Variants in TARS1 observed in about 807,000 individuals in gnomAD.
TARS1 encodes threonyl-tRNA synthetase 1, also known as threonine--tRNA ligase 1, cytoplasmic.
Under a neutral mutation model 97.7 loss-of-function variants are expected in TARS1, and 57 were observed. The ratio of observed to expected loss-of-function variants is 0.58; its 90% CI spans 0.47 to 0.73. The LOEUF (loss-of-function observed/expected upper bound fraction) is 0.73, where lower values mean the gene tolerates loss of function less well. Among genes scored for constraint, TARS1 ranks in the 30% least tolerant of loss-of-function variants. TARS1 has a pLI of 0.00. For synonymous variants in TARS1, 312 were observed against 293.7 expected, an observed-to-expected ratio of 1.06 and a Z score of -0.64; for missense variants, 806 against 888.3, an observed-to-expected ratio of 0.91 and a Z score of 1.18.
intron 11 of TARS1, among the ~76,000 whole-genome samples, chr5:33,460,611 G>T (rs1324919814): frequency 6.6e-6 from 1 of 152,186 alleles, no homozygotes; most frequent in Non-Finnish European, 1.5e-5. Context: ...TTGTGAAGAA[G>T]CTGTATTATA....
Position 33,467,786 on chromosome 5 carries a change from G to A in TARS1, c.*78G>A, listed in dbSNP as rs1742612789. On this transcript the variant is annotated 3_prime_UTR_variant, in exon 19 of 19. Coordinates refer to ENST00000265112, the MANE Select transcript of TARS1 (RefSeq NM_152295.5). ...AAAATTGACTTTGTACTCTGAAAAC[G>A]TCAATTTATATTGAACTTGGAGGAG... is the stretch of plus-strand genomic sequence containing the variant. 7 of 1,477,230 alleles carry A rather than the reference G, an allele frequency of 4.7e-6. No individual in the cohort carries two copies. Among genetic ancestry groups the A allele is most frequent in the East Asian group, 2.4e-5 (1 of 41,400 alleles). 91.5% of individuals were successfully genotyped at this position (1,477,230 alleles called of 1,614,324 possible). A position where few individuals can be genotyped will look rare whatever the true frequency, so the allele number is the denominator to read the frequency against.
chr5:33,460,332 G>C (rs780049081), intron 11 of TARS1, among the ~76,000 whole-genome samples: 3 of 152,202 alleles, frequency 2.0e-5, no homozygotes, highest in Non-Finnish European at 4.4e-5. Flanking sequence ...GACCAAGGCA[G>C]ACTATAAAAC....
intron 6 of TARS1, 79 bp downstream of exon 6, chr5:33,455,783 C>T (rs541125231): frequency 1.9e-5 from 21 of 1,092,994 alleles, no homozygotes; most frequent in South Asian, 8.8e-5. Flanking sequence ...ACTGGCGTTC[C>T]GTGTACTAAG....
At chr5:33,455,554 G>T in intron 5 of TARS1, 33 bp from the exon 6 acceptor site, 1 of 1,400,712 alleles carries the variant, frequency 7.1e-7, no homozygotes, top group South Asian at 1.3e-5. Context: ...TGATTCGAAT[G>T]GAATGAAAAG....
At chr5:33,466,073 A>G (rs570792568) in intron 17 of TARS1, 1 of 152,204 alleles carries the variant, frequency 6.6e-6, no homozygotes, top group Non-Finnish European at 1.5e-5. Context: ...TTCTGCGTCT[A>G]CAAAAAGAGG....
chr5:33,441,037 C>G lies in TARS1; in HGVS notation c.-50C>G, dbSNP rs774618170. ...ACCTCCCACCCGCCTCTTGGCTCCT[C>G]TCCTCTAGGCCGTCGCTTTCGGGTT... is the stretch of plus-strand genomic sequence containing the variant. On this transcript the variant is annotated 5_prime_UTR_variant, in exon 1 of 19. Transcript: ENST00000265112. 6.2e-7 allele frequency: 1 copy of G among 1,612,594 alleles called. No homozygotes were observed. The highest frequency in any genetic ancestry group is 1.1e-5 in the South Asian group (1 of 90,986).
intron 3 of TARS1, chr5:33,452,213 T>G: frequency 1.4e-6 from 1 of 713,606 alleles, no homozygotes; most frequent in Non-Finnish European, 2.4e-6. Flanking sequence ...GTAAAGGGTG[T>G]ATACTTTTTC....
chr5:33,461,700 A>C lies in TARS1; in HGVS notation c.1585A>C (p.Lys529Gln). 6.2e-7 allele frequency: 1 copy of C among 1,614,122 alleles called. No individual in the cohort carries two copies. The change falls in exon 14 of 19, where the codon AAG becomes CAG. Residue 529 changes from lysine (K) to glutamine (Q), a missense_variant. Around this residue, in one of 3 missense-constraint regions of TARS1, gnomAD observed 446 missense variants for 511.0 expected, o/e 0.87. Coordinates refer to ENST00000265112, the MANE Select transcript of TARS1 (RefSeq NM_152295.5). ...LENSLNEFGE[K>Q]WELNSGDGAF... ...AAACAGTCTGAATGAATTTGGTGAAAAGTGGGAGTTAAACTCTGGAGATGG... is the reference window on the plus strand; with the variant it reads ...AAACAGTCTGAATGAATTTGGTGAACAGTGGGAGTTAAACTCTGGAGATGG...
At chr5:33,462,312 T>G in intron 16 of TARS1, 109 bp downstream of exon 16, 1 of 997,722 alleles carries the variant, frequency 1.0e-6, no homozygotes. Context: ...TCCAATCGGT[T>G]GCTTCTAACT....
At chr5:33,449,292 AAG>A (rs1268522969) in intron 3 of TARS1, among the ~76,000 whole-genome samples, 1 of 150,436 alleles carries the variant, frequency 6.6e-6, no homozygotes, top group East Asian at 1.9e-4. Flanking sequence ...TTATCAAAAT[AAG>A]AGTTGGTAAA....
At position 33,466,878 on chromosome 5, in the gene TARS1, A is replaced by G. The variant is rs912379359; in HGVS notation, c.1916A>G (p.Gln639Arg). ...GTATCTCTGTTACAATAGGTACGAC[A>G]ACAATTCCACGATGCCAAATTCATG... ...TCDEYAQKVR[Q>R]QFHDAKFMAD... The change falls in exon 18 of 19, where the codon CAA becomes CGA. Residue 639 changes from glutamine to arginine, a missense_variant. Physicochemically the swap from Gln to Arg is conservative, Grantham distance 43. Coordinates refer to ENST00000265112, the MANE Select transcript of TARS1 (RefSeq NM_152295.5). 2.5e-6 allele frequency: 4 copies of G among 1,596,394 alleles called. No individual in the cohort carries two copies. The highest frequency in any genetic ancestry group is 2.3e-5 in the South Asian group (2 of 88,052).
At chr5:33,461,372 C>G in intron 13 of TARS1, 77 bp downstream of exon 13, 1 of 1,526,138 alleles carries the variant, frequency 6.6e-7, no homozygotes, top group Non-Finnish European at 8.8e-7. Flanking sequence ...AGCCAAGCCT[C>G]TTTAAATGGA....
At chr5:33,455,195 A>G in intron 5 of TARS1, 129 bp downstream of exon 5, 2 of 1,190,938 alleles carry the variant, frequency 1.7e-6, no homozygotes, top group African/African-American at 1.5e-5. Flanking sequence ...GCCCATTATC[A>G]GTACTTGAAG....
chr5:33,448,822 T>G, intron 3 of TARS1, 91 bp downstream of exon 3: 1 of 1,075,122 alleles, frequency 9.3e-7, no homozygotes, highest in Non-Finnish European at 1.3e-6. Context: ...TTATAATATT[T>G]TTATGTTACC....
In TARS1 at chr5:33,441,061, TTC is replaced by T. The variant is rs753536494; in HGVS notation, c.-21_-20del. The T allele has an allele frequency of 6.2e-7, 1 of 1,613,784 alleles. No individual in the cohort carries two copies. The highest frequency in any genetic ancestry group is 8.5e-7 in the Non-Finnish European group (1 of 1,179,928). ...TCTCCTCTAGGCCGTCGCTTTCGGGTTCTCTCATCGCTTCGTCGTTCGCCAAT... is the reference window on the plus strand; with the variant it reads ...TCTCCTCTAGGCCGTCGCTTTCGGGTTCTCATCGCTTCGTCGTTCGCCAAT... On this transcript the variant is annotated 5_prime_UTR_variant, in exon 1 of 19. Transcript: ENST00000265112.
intron 17 of TARS1, among the ~76,000 whole-genome samples, chr5:33,465,667 C>T (rs2111604795): frequency 6.6e-6 from 1 of 152,286 alleles, no homozygotes; most frequent in South Asian, 2.1e-4. Flanking sequence ...GCTTAAAAAT[C>T]TAGTTAAAAT....
At chr5:33,446,647 C>T (rs1221395076) in intron 2 of TARS1, 2 of 1,285,980 alleles carry the variant, frequency 1.6e-6, no homozygotes, top group East Asian at 1.1e-4. Context: ...ATCACAGAGA[C>T]TGACACAGAG....
chr5:33,462,059 T>C, intron 15 of TARS1, 40 bp from the exon 16 acceptor site: 1 of 1,599,184 alleles, frequency 6.3e-7, no homozygotes. Flanking sequence ...TAAGAGAAAA[T>C]ATATATAATA....
In TARS1 at chr5:33,444,297, T is replaced by C. The variant is rs551609724; in HGVS notation, c.58-1027T>C. On this transcript the variant is annotated intron_variant, in intron 1 of 18. Transcript: ENST00000265112. ...AACTGCTAATGGGTACAAGGTTTCT[T>C]TTTGAGGGTGATGAAAATACTCTAA... Among the ~76,000 whole-genome samples the C allele has an allele frequency of 6.8e-4, 103 of 152,300 alleles. 1 individual carries two copies. The highest frequency in any genetic ancestry group is 1.1e-3 in the Admixed American group (17 of 15,294).
Sources: gnomAD v4.1 joint callset for allele counts (sites outside exome capture counted in the v4.1 genomes callset) on GRCh38, gnomAD v4.1.1 for gene constraint, gnomAD v4.1.1 regional missense constraint, MANE v1.5 for transcripts, NCBI Gene and HGNC (gene_info 2026-07-23, HGNC 2026-07-21) for gene names.